The following BOLL variants were observed in gnomAD, a reference collection of about 807,000 sequenced individuals.
BOLL encodes the protein protein boule-like.
A neutral mutation model predicts 44.4 loss-of-function variants in BOLL; 23 were observed. The observed-to-expected ratio is 0.52, with a 90% CI of 0.37 to 0.73. The LOEUF is 0.73. Ranked by LOEUF, BOLL falls within the 30% of genes least tolerant of loss-of-function variation. BOLL has a pLI of 0.00. For synonymous variants in BOLL, 97 were observed against 110.8 expected (o/e 0.88, Z 0.78); for missense variants, 287 against 338.3 (o/e 0.85, Z 1.19).
chr2:197,776,410 A>G (rs530501449), intron 4 of BOLL, among the ~76,000 whole-genome samples: 2 of 152,082 alleles, frequency 1.3e-5, no homozygotes, highest in African/African-American at 4.8e-5. Context: ...GGAAAACCAT[A>G]TAAAACAAGG....
intron 9 of BOLL, among the ~76,000 whole-genome samples, chr2:197,743,891 A>G (rs1017785474): frequency 2.7e-5 from 4 of 149,534 alleles, no homozygotes; most frequent in Non-Finnish European, 4.5e-5. Context: ...GCTCACTGCA[A>G]GTTCCACCTC....
chr2:197,770,647 C>T (rs1186601999), intron 6 of BOLL, among the ~76,000 whole-genome samples: 1 of 152,004 alleles, frequency 6.6e-6, no homozygotes. Context: ...AACAAACTTA[C>T]AAGAAAAAAA....
intron 5 of BOLL, chr2:197,773,891 C>A (rs1199686821): frequency 3.2e-6 from 1 of 312,944 alleles, no homozygotes. Context: ...TTAAGGTAAA[C>A]AAAGTGGTTA....
intron 9 of BOLL, among the ~76,000 whole-genome samples, chr2:197,751,633 T>C (rs1454507030): frequency 6.6e-6 from 1 of 152,150 alleles, no homozygotes; most frequent in Non-Finnish European, 1.5e-5. Flanking sequence ...TAACAAGTTC[T>C]GAAATTAAGG....
At chr2:197,729,975 C>T (rs1288173470) in intron 10 of BOLL, among the ~76,000 whole-genome samples, 13 of 152,038 alleles carry the variant, frequency 8.6e-5, no homozygotes, top group South Asian at 2.1e-4. Context: ...ATGACTTTGA[C>T]GAGCTGAGAG....
intron 10 of BOLL, among the ~76,000 whole-genome samples, chr2:197,737,205 A>G (rs1030342416): frequency 1.3e-5 from 2 of 152,078 alleles, no homozygotes; most frequent in East Asian, 1.9e-4. Flanking sequence ...ATATATACAT[A>G]TTTATACTAT....
chr2:197,778,730 G>A (rs1479174204), intron 3 of BOLL, among the ~76,000 whole-genome samples: 2 of 151,332 alleles, frequency 1.3e-5, no homozygotes, highest in Non-Finnish European at 3.0e-5. Flanking sequence ...GCCTACCACT[G>A]AATGGTCCCT....
chr2:197,756,503 A>G lies in BOLL; in HGVS notation c.654T>C (p.Tyr218=), dbSNP rs754187842. 2 of 1,612,770 alleles carry G rather than the reference A, an allele frequency of 1.2e-6. No individual in the cohort carries two copies. Among genetic ancestry groups the G allele is most frequent in the Non-Finnish European group, 1.7e-6 (2 of 1,179,154 alleles). ...CATCCTGTGCAATTTCCACTGGTTG[A>G]TAAATAACCTCAGAAGGTTGCAGGT... The part of the protein sequence containing the change: ...FLYLQPSEVI[Y]QPVEIAQDGG... The change falls in exon 9 of 11, where the codon TAT becomes TAC. Residue 218 remains tyrosine (Y), a synonymous_variant. Coordinates refer to ENST00000392296, the MANE Select transcript of BOLL (RefSeq NM_033030.6).
chr2:197,767,396 G>A (rs1285026458), intron 6 of BOLL, among the ~76,000 whole-genome samples: 1 of 151,916 alleles, frequency 6.6e-6, no homozygotes, highest in East Asian at 1.9e-4. Context: ...ACAATTCACA[G>A]ACTATGGTAT....
chr2:197,741,810 A>G (rs927473577), intron 10 of BOLL, among the ~76,000 whole-genome samples: 1 of 152,174 alleles, frequency 6.6e-6, no homozygotes, highest in African/African-American at 2.4e-5. Context: ...AAATTGACAA[A>G]TGGGATCTAA....
chr2:197,744,507 G>T (rs778003970), intron 9 of BOLL, among the ~76,000 whole-genome samples: 2 of 152,160 alleles, frequency 1.3e-5, no homozygotes, highest in Non-Finnish European at 2.9e-5. Context: ...AAGTCATTGA[G>T]GACCTTTACC....
intron 10 of BOLL, among the ~76,000 whole-genome samples, chr2:197,737,827 C>T (rs1687564781): frequency 6.6e-6 from 1 of 152,108 alleles, no homozygotes; most frequent in African/African-American, 2.4e-5. Context: ...CTGAATCATA[C>T]TTTGTCGACC....
chr2:197,779,616 A>G (rs1558998985), intron 2 of BOLL, among the ~76,000 whole-genome samples: 1 of 152,026 alleles, frequency 6.6e-6, no homozygotes, highest in Non-Finnish European at 1.5e-5. Flanking sequence ...TAAAGTTATT[A>G]GATTCCTTAT....
chr2:197,774,049 T>G (rs766538942), intron 5 of BOLL: 46 of 461,848 alleles, frequency 1.0e-4, no homozygotes, highest in South Asian at 7.3e-4. Context: ...CAAACAGTCC[T>G]GCATTTGAAG....
intron 10 of BOLL, among the ~76,000 whole-genome samples, chr2:197,741,717 A>C (rs984593182): frequency 6.6e-6 from 1 of 152,066 alleles, no homozygotes; most frequent in South Asian, 2.1e-4. Flanking sequence ...CCCTAGAAGA[A>C]AACCTAGGCA....
At chr2:197,750,580 G>A (rs997442625) in intron 9 of BOLL, among the ~76,000 whole-genome samples, 3 of 152,020 alleles carry the variant, frequency 2.0e-5, no homozygotes, top group Non-Finnish European at 4.4e-5. Context: ...AGGGATCAAT[G>A]CAACAAGAAG....
At chr2:197,741,198 T>G (rs368115689) in intron 10 of BOLL, among the ~76,000 whole-genome samples, 2 of 152,192 alleles carry the variant, frequency 1.3e-5, no homozygotes, top group African/African-American at 4.8e-5. Context: ...GTCCTTCACA[T>G]CCCTCGTAAG....
intron 9 of BOLL, among the ~76,000 whole-genome samples, chr2:197,748,128 C>T (rs700647): frequency 0.49 from 75,181 of 151,992 alleles, 19,246 homozygotes; most frequent in African/African-American, 0.6. Flanking sequence ...CGTCACCTCA[C>T]CCGGGAAGCA....
chr2:197,760,262 CT>C (rs925468639), intron 7 of BOLL, among the ~76,000 whole-genome samples: 14 of 152,208 alleles, frequency 9.2e-5, no homozygotes, highest in African/African-American at 3.4e-4. Context: ...AGACATGCCC[CT>C]AGGCCAGGTG....
Sources: gnomAD v4.1 joint callset for allele counts (sites outside exome capture counted in the v4.1 genomes callset) on GRCh38, gnomAD v4.1.1 for gene constraint, MANE v1.5 for transcripts, NCBI Gene and HGNC (gene_info 2026-07-23, HGNC 2026-07-21) for gene names.